The following DMXL2 variants were observed in gnomAD, a reference collection of about 807,000 sequenced individuals.
The protein encoded by DMXL2 is Dmx like 2, also known as dmX-like protein 2.
DMXL2 carries 103 observed loss-of-function variants against 331.1 expected under a neutral mutation model. The observed-to-expected ratio is 0.31, with a 90% CI of 0.27 to 0.37. The LOEUF (loss-of-function observed/expected upper bound fraction) is 0.37, where lower values mean the gene tolerates loss of function less well. Ranked by LOEUF, DMXL2 falls within the 10% of genes least tolerant of loss-of-function variation. The pLI is 1.00. For missense variants in DMXL2, 3,171 were observed against 3,642.9 expected, an observed-to-expected ratio of 0.87 and a Z score of 3.33; for synonymous variants, 1,281 against 1,252.1, an observed-to-expected ratio of 1.02 and a Z score of -0.49.
chr15:51,491,939 C>A (rs1479904877), intron 19 of DMXL2, among the ~76,000 whole-genome samples, 192 bp from the exon 20 acceptor site: 1 of 152,178 alleles, frequency 6.6e-6, no homozygotes, highest in Non-Finnish European at 1.5e-5. Context: ...TAATGTGATA[C>A]ATAAAATCCA....
intron 13 of DMXL2, among the ~76,000 whole-genome samples, chr15:51,527,009 C>T (rs1441100457): frequency 6.6e-6 from 1 of 152,144 alleles, no homozygotes; most frequent in Non-Finnish European, 1.5e-5. Context: ...CCCAAGACTA[C>T]AGAAAGACAT....
chr15:51,576,279 T>G (rs2051037959), intron 1 of DMXL2, 98 bp from the exon 2 acceptor site: 1 of 926,006 alleles, frequency 1.1e-6, no homozygotes, highest in Admixed American at 3.5e-5. Flanking sequence ...ATTGCCATTA[T>G]AAAGTATACC....
Position 51,459,623 on chromosome 15 carries a change from C to T in DMXL2, c.7964G>A (p.Cys2655Tyr). ...CTTGATGTGGCAATCTTCTGCTATG[C>T]AGTTTTGGTTGACCTGCTCCACATG... ...EEHVEQVNQN[C>Y]IAEDCHIKVE... The change falls in exon 34 of 44, where the codon TGC (cysteine) becomes TAC (tyrosine). Residue 2655 changes from cysteine to tyrosine, a missense_variant. Cys to Tyr is a radical substitution (Grantham distance 194, BLOSUM62 -2). Coordinates refer to ENST00000560891, the MANE Select transcript of DMXL2 (RefSeq NM_001378457.1). The T allele has an allele frequency of 1.6e-6, 2 of 1,289,820 alleles. No individual in the cohort carries two copies. Among genetic ancestry groups the T allele is most frequent in the Non-Finnish European group, 2.0e-6 (2 of 988,866 alleles). 79.9% of individuals were successfully genotyped at this position (1,289,820 alleles called of 1,614,324 possible). A position where few individuals can be genotyped will look rare whatever the true frequency, so the allele number is the denominator to read the frequency against.
chr15:51,492,603 C>G (rs1447279334), intron 19 of DMXL2, among the ~76,000 whole-genome samples: 1 of 152,100 alleles, frequency 6.6e-6, no homozygotes, highest in East Asian at 1.9e-4. Context: ...GATTTATCAA[C>G]AGTTCAATTA....
At chr15:51,520,267 C>T (rs1383018402) in intron 13 of DMXL2, among the ~76,000 whole-genome samples, 9 of 152,144 alleles carry the variant, frequency 5.9e-5, no homozygotes, top group Non-Finnish European at 1.2e-4. Context: ...GAAATTCTTT[C>T]CTAACCATCA....
chr15:51,482,689 C>T (rs2042101678), intron 23 of DMXL2, among the ~76,000 whole-genome samples: 1 of 152,080 alleles, frequency 6.6e-6, no homozygotes, highest in African/African-American at 2.4e-5. Flanking sequence ...TTTGTAGTAC[C>T]AGAAAGCAAG....
intron 1 of DMXL2, among the ~76,000 whole-genome samples, chr15:51,621,869 G>A (rs1172217401): frequency 2.0e-5 from 3 of 151,982 alleles, no homozygotes; most frequent in Admixed American, 6.6e-5. Flanking sequence ...TAAATCTTTC[G>A]GGCGCGGAGG....
chr15:51,556,664 T>C (rs2049610971), intron 6 of DMXL2, among the ~76,000 whole-genome samples: 1 of 151,862 alleles, frequency 6.6e-6, no homozygotes. Flanking sequence ...CCCAGCTACT[T>C]GGGAAGCTGA....
At chr15:51,481,648 C>T in intron 23 of DMXL2, 25 bp from the exon 24 acceptor site, 1 of 1,512,120 alleles carries the variant, frequency 6.6e-7, no homozygotes, top group Non-Finnish European at 8.8e-7. Context: ...CAGATAAAAT[C>T]ACAAAGCATT....
intron 17 of DMXL2, among the ~76,000 whole-genome samples, chr15:51,501,876 C>T (rs1171159165): frequency 2.0e-5 from 3 of 147,268 alleles, no homozygotes; most frequent in Admixed American, 1.4e-4. Flanking sequence ...GCCAAGATAG[C>T]ACCACTGCAC....
Position 51,537,468 on chromosome 15 carries a change from A to G in DMXL2, c.1617+20T>C, listed in dbSNP as rs375990567. ...TACTATTTTAAGAAATGTAATAACT[A>G]TTTCATCAATAAAATATACCTGAAC... On this transcript the variant is annotated intron_variant, in intron 11 of 43. Coordinates refer to ENST00000560891, the MANE Select transcript of DMXL2 (RefSeq NM_001378457.1). The G allele has an allele frequency of 2.5e-6, 4 of 1,579,062 alleles. No homozygotes were observed. The highest frequency in any genetic ancestry group is 1.1e-5 in the South Asian group (1 of 87,584).
rs907078017 is a variant in DMXL2 at position 51,596,142 on chromosome 15, A to C, written c.88-19961T>G. Among the ~76,000 whole-genome samples the C allele has an allele frequency of 1.1e-4, 16 of 152,342 alleles. No homozygotes were observed. The South Asian group carries it at 1.9e-3, about 18-fold the overall frequency. On this transcript the variant is annotated intron_variant, in intron 1 of 43. Coordinates refer to ENST00000560891, the MANE Select transcript of DMXL2 (RefSeq NM_001378457.1). Reference sequence around the variant, plus strand: ...ATCAGAGTGAACAGGCAACCTACAGAATGGGAGAAAATTTTCGCAAACTAC... The same window carrying C: ...ATCAGAGTGAACAGGCAACCTACAGCATGGGAGAAAATTTTCGCAAACTAC...
At chr15:51,621,453 T>A (rs1337334995) in intron 1 of DMXL2, among the ~76,000 whole-genome samples, 3 of 152,150 alleles carry the variant, frequency 2.0e-5, no homozygotes, top group Admixed American at 2.0e-4. Context: ...AGAAGAACAG[T>A]TTACAAAATA....
intron 5 of DMXL2, 68 bp from the exon 6 acceptor site, chr15:51,563,515 G>A (rs575329393): frequency 7.7e-5 from 86 of 1,113,330 alleles, no homozygotes; most frequent in Non-Finnish European, 1.1e-4. Flanking sequence ...AAATGGTCAA[G>A]ATGAGATTTT....
chr15:51,453,595 G>A lies in DMXL2; in HGVS notation c.8651C>T (p.Thr2884Ile), dbSNP rs1323309207. 3 of 1,613,720 alleles carry A rather than the reference G, an allele frequency of 1.9e-6. No homozygotes were observed. Among genetic ancestry groups the A allele is most frequent in the East Asian group, 4.5e-5 (2 of 44,818 alleles). The part of the protein sequence containing the change: ...SKATSDFAFI[T>I]SSSLVATSGH... Reference sequence around the variant, plus strand: ...AGATGTGGCAACTAGACTTGAAGAGGTAATAAATGCAAAGTCACTTGTGGC... The same window carrying A: ...AGATGTGGCAACTAGACTTGAAGAGATAATAAATGCAAAGTCACTTGTGGC... Residue 2884 changes from threonine to isoleucine, a missense_variant, in exon 41 of 44, where the codon ACC (threonine) becomes ATC (isoleucine). Around this residue, in one of 7 missense-constraint regions of DMXL2, gnomAD observed 766 missense variants for 940.5 expected, o/e 0.81. Coordinates refer to ENST00000560891, the MANE Select transcript of DMXL2 (RefSeq NM_001378457.1).
intron 43 of DMXL2, 43 bp from the exon 44 acceptor site, chr15:51,449,236 C>T: frequency 3.1e-6 from 5 of 1,602,028 alleles, no homozygotes; most frequent in Non-Finnish European, 4.3e-6. Context: ...TACGAAAAGA[C>T]CAAAAGCAAA....
At chr15:51,594,937 A>G (rs1202879619) in intron 1 of DMXL2, among the ~76,000 whole-genome samples, 1 of 152,186 alleles carries the variant, frequency 6.6e-6, no homozygotes, top group Non-Finnish European at 1.5e-5. Flanking sequence ...GCTATCTATG[A>G]CGGTCTGTCA....
At chr15:51,603,949 AC>A (rs1567176098) in intron 1 of DMXL2, among the ~76,000 whole-genome samples, 3 of 152,160 alleles carry the variant, frequency 2.0e-5, no homozygotes, top group Non-Finnish European at 4.4e-5. Flanking sequence ...CAAAAACAGT[AC>A]AGGAGAAAAA....
intron 15 of DMXL2, among the ~76,000 whole-genome samples, chr15:51,514,020 G>A (rs961593625): frequency 1.3e-5 from 2 of 152,038 alleles, no homozygotes; most frequent in African/African-American, 2.4e-5. Context: ...ATTTCCATGA[G>A]GTTTCTAGTG....
Sources: gnomAD v4.1 joint callset for allele counts (sites outside exome capture counted in the v4.1 genomes callset) on GRCh38, gnomAD v4.1.1 for gene constraint, gnomAD v4.1.1 regional missense constraint, MANE v1.5 for transcripts, NCBI Gene and HGNC (gene_info 2026-07-23, HGNC 2026-07-21) for gene names.